DLGAP1: variants seen among roughly 807,000 people sequenced by gnomAD.
DLGAP1 encodes the protein disks large-associated protein 1.
In DLGAP1, 11 loss-of-function variants were observed where a neutral mutation model predicts 90.8. The observed-to-expected ratio is 0.12, with a 90% confidence interval of 0.08 to 0.20. The LOEUF (loss-of-function observed/expected upper bound fraction) is 0.20, where lower values mean the gene tolerates loss of function less well. Ranked by LOEUF, DLGAP1 falls within the 10% of genes least tolerant of loss-of-function variation. The pLI, the probability that DLGAP1 is intolerant of heterozygous loss-of-function variation, is 1.00. For synonymous variants in DLGAP1, 558 were observed against 540.7 expected (o/e 1.03, Z -0.44); for missense variants, 1,050 against 1,333.8 (o/e 0.79, Z 3.31).
intron 4 of DLGAP1, among the ~76,000 whole-genome samples, chr18:3,849,604 G>A (rs1822341284): frequency 6.6e-6 from 1 of 152,146 alleles, no homozygotes. Flanking sequence ...AGCCCTGATT[G>A]CAGACATTTC....
chr18:3,688,080 T>A (rs1048464654), intron 7 of DLGAP1, among the ~76,000 whole-genome samples: 4 of 152,058 alleles, frequency 2.6e-5, no homozygotes, highest in Non-Finnish European at 5.9e-5. Context: ...CTAATTTTTG[T>A]ATTTTGTTTT....
At chr18:3,672,547 A>T (rs1324836085) in intron 7 of DLGAP1, among the ~76,000 whole-genome samples, 4 of 132,826 alleles carry the variant, frequency 3.0e-5, no homozygotes, top group Non-Finnish European at 6.2e-5. Context: ...ATTGCACTCC[A>T]GCCTGGGCAA....
Position 4,201,661 on chromosome 18 carries a change from A to G in DLGAP1, c.-266-50374T>C, listed in dbSNP as rs529862093. On this transcript the variant is annotated intron_variant, in intron 1 of 12. Coordinates refer to ENST00000315677, the MANE Select transcript of DLGAP1 (RefSeq NM_004746.4). ...AAGAATACCATTAAAAACTATGGAA[A>G]AGATGTGAACAGACATTTCTCAAAA... Among the ~76,000 whole-genome samples, 502 of 152,306 alleles carry G rather than the reference A, an allele frequency of 3.3e-3. 4 individuals carry two copies. Among genetic ancestry groups the G allele is most frequent in the African/African-American group, 0.011 (476 of 41,572 alleles).
At chr18:4,256,759 A>G (rs1268051694) in intron 1 of DLGAP1, among the ~76,000 whole-genome samples, 1 of 152,168 alleles carries the variant, frequency 6.6e-6, no homozygotes, top group Non-Finnish European at 1.5e-5. Context: ...AATCACTGGG[A>G]ATGCATTTTC....
intron 7 of DLGAP1, among the ~76,000 whole-genome samples, chr18:3,666,997 G>C (rs1022088041): frequency 2.0e-5 from 3 of 152,008 alleles, no homozygotes; most frequent in African/African-American, 7.3e-5. Context: ...TGGTACTCCT[G>C]ACCTCAAGTG....
At chr18:3,535,434 G>A (rs1401366362) in intron 9 of DLGAP1, among the ~76,000 whole-genome samples, 6 of 152,162 alleles carry the variant, frequency 3.9e-5, no homozygotes, top group Non-Finnish European at 7.3e-5. Context: ...AGGGCCGGGC[G>A]TGGTGGCTCA....
intron 3 of DLGAP1, among the ~76,000 whole-genome samples, chr18:3,963,812 C>T (rs1017825134): frequency 6.6e-6 from 1 of 152,086 alleles, no homozygotes; most frequent in African/African-American, 2.4e-5. Flanking sequence ...TCTGCTGTGA[C>T]AGCCACTGGC....
At position 4,223,509 on chromosome 18, in the gene DLGAP1, T is replaced by C. The variant is rs557770333; in HGVS notation, c.-266-72222A>G. 4.6e-5 allele frequency among the ~76,000 whole-genome samples: 7 copies of C among 152,282 alleles called. No homozygotes were observed. The East Asian group carries it at 1.4e-3, about 29-fold the overall frequency. On this transcript the variant is annotated intron_variant, in intron 1 of 12. Coordinates refer to ENST00000315677, the MANE Select transcript of DLGAP1 (RefSeq NM_004746.4). ...AATAAGATGTGCAAAGATCACAGTA[T>C]CATCGCATTTGTTTACAGGAAATAA...
At chr18:4,364,183 A>C (rs2081700800) in intron 1 of DLGAP1, among the ~76,000 whole-genome samples, 1 of 145,732 alleles carries the variant, frequency 6.9e-6, no homozygotes, top group African/African-American at 2.5e-5. Context: ...ATATGTTCTC[A>C]CTCATAGGTG....
rs142690410 is a variant in DLGAP1, at chr18:3,729,292, C to A, written c.1434G>T (p.Ala478=). ...FSELESQAVE[A]LDLPMPGCFR... ...AGCAGCCGGGCATGGGCAGGTCCAG[C>A]GCTTCCACGGCCTGCGACTCCAGCT... is the stretch of plus-strand genomic sequence containing the variant. Residue 478 remains alanine, a synonymous_variant, in exon 7 of 13, where the codon GCG becomes GCT. Coordinates refer to ENST00000315677, the MANE Select transcript of DLGAP1 (RefSeq NM_004746.4). This position sits in a 1 kb window ranked among gnomAD's most constrained non-coding sequence, Gnocchi z 6.2. 1.1e-4 allele frequency: 175 copies of A among 1,613,986 alleles called. No individual in the cohort carries two copies. Among genetic ancestry groups the A allele is most frequent in the Non-Finnish European group, 1.5e-4 (172 of 1,180,006 alleles).
At position 3,621,561 on chromosome 18, in the gene DLGAP1, G is replaced by C. The variant is rs886351791; in HGVS notation, c.1592-39313C>G. Among the ~76,000 whole-genome samples, 4 of 152,188 alleles carry C rather than the reference G, an allele frequency of 2.6e-5. No homozygotes were observed. The East Asian group carries it at 7.7e-4, about 29-fold the overall frequency. ...CCAAAGGGGGCCAACTGTTCAAACC[G>C]TGTTCAAATAAGGCAAACGCCAAGC... On this transcript the variant is annotated intron_variant, in intron 7 of 12. Transcript: ENST00000315677.
At chr18:3,610,577 G>A (rs890117512) in intron 7 of DLGAP1, among the ~76,000 whole-genome samples, 1 of 151,980 alleles carries the variant, frequency 6.6e-6, no homozygotes, top group African/African-American at 2.4e-5. Flanking sequence ...GCTCACACCT[G>A]TAATCCTAGC....
At chr18:3,749,061 C>A (rs1316984134) in intron 5 of DLGAP1, among the ~76,000 whole-genome samples, 1 of 151,654 alleles carries the variant, frequency 6.6e-6, no homozygotes, top group Non-Finnish European at 1.5e-5. Context: ...CCAATGGAAA[C>A]TTGGCCTTTT....
At chr18:4,081,470 C>G (rs567009481) in intron 2 of DLGAP1, among the ~76,000 whole-genome samples, 9 of 152,226 alleles carry the variant, frequency 5.9e-5, no homozygotes, top group Non-Finnish European at 1.5e-5. Context: ...GAAACTGATA[C>G]CCCAAAATAT....
intron 2 of DLGAP1, among the ~76,000 whole-genome samples, chr18:4,083,488 G>A (rs375988606): frequency 5.8e-4 from 89 of 152,164 alleles, no homozygotes; most frequent in African/African-American, 2.0e-3. Context: ...TTATATATGC[G>A]TCAGTATATA....
At chr18:3,884,613 A>G (rs2071261412) in intron 3 of DLGAP1, among the ~76,000 whole-genome samples, 1 of 152,240 alleles carries the variant, frequency 6.6e-6, no homozygotes, top group Admixed American at 6.5e-5. Flanking sequence ...GCAAACGAAG[A>G]GCTGTTTAAG....
intron 5 of DLGAP1, chr18:3,774,393 TGATA>T (rs1426452342): frequency 2.0e-5 from 3 of 152,136 alleles, no homozygotes; most frequent in Non-Finnish European, 4.4e-5. Flanking sequence ...ATATAGGACA[TGATA>T]GATGGATGGA....
chr18:3,701,906 C>T (rs74789807), intron 7 of DLGAP1, among the ~76,000 whole-genome samples: 73 of 152,104 alleles, frequency 4.8e-4, no homozygotes, highest in Middle Eastern at 3.4e-3. Flanking sequence ...GTGTGAGAGA[C>T]GGAGAGACAT....
chr18:4,134,929 A>G (rs560912838), intron 2 of DLGAP1, among the ~76,000 whole-genome samples: 1 of 152,182 alleles, frequency 6.6e-6, no homozygotes, highest in Admixed American at 6.6e-5. Flanking sequence ...TCTTCCAAGA[A>G]TGTATTCAGG....
Sources: gnomAD v4.1 joint callset for allele counts (sites outside exome capture counted in the v4.1 genomes callset) on GRCh38, gnomAD v4.1.1 for gene constraint, Gnocchi (gnomAD v3.1) non-coding constraint, MANE v1.5 for transcripts, NCBI Gene and HGNC (gene_info 2026-07-23, HGNC 2026-07-21) for gene names.